Variants in RBKS observed in about 807,000 individuals in gnomAD.
RBKS encodes ribokinase.
Under a neutral mutation model 33.9 loss-of-function variants are expected in RBKS, and 33 were observed. The ratio of observed to expected loss-of-function variants is 0.97; its 90% CI spans 0.74 to 1.30. The LOEUF (loss-of-function observed/expected upper bound fraction) is 1.30, where lower values mean the gene tolerates loss of function less well. RBKS is among the 50% of genes most tolerant of loss of function. The probability of loss-of-function intolerance (pLI) is 0.00; values close to 1 mark genes in which losing one functional copy is unlikely to be tolerated. For missense variants in RBKS, 361 were observed against 392.6 expected, an observed-to-expected ratio of 0.92 and a Z score of 0.68; for synonymous variants, 125 against 143.0, an observed-to-expected ratio of 0.87 and a Z score of 0.90.
intron 7 of RBKS, among the ~76,000 whole-genome samples, chr2:27,814,355 G>A (rs921184841): frequency 8.5e-5 from 13 of 152,246 alleles, no homozygotes; most frequent in East Asian, 5.8e-4. Flanking sequence ...ATAAAGCTAG[G>A]TGGTGAGTCA....
rs114047820 is a variant in RBKS, at chr2:27,888,884, G to A, written c.89+1373C>T. On this transcript the variant is annotated intron_variant, in intron 1 of 7. Transcript: ENST00000302188. ...GAAAAGTTTACTTACTCTTGCTCTA[G>A]AAAAAGATGTACAGGCCTCTTCAAC... Among the ~76,000 whole-genome samples, 1,162 of 152,220 alleles carry A rather than the reference G, an allele frequency of 7.6e-3. 11 individuals are homozygous for A. Among genetic ancestry groups the A allele is most frequent in the African/African-American group, 0.027 (1,113 of 41,530 alleles).
intron 7 of RBKS, among the ~76,000 whole-genome samples, chr2:27,816,348 C>G (rs1226795590): frequency 6.6e-6 from 1 of 152,232 alleles, no homozygotes; most frequent in Non-Finnish European, 1.5e-5. Context: ...CTATCCATCT[C>G]TTCTGCAATT....
intron 7 of RBKS, among the ~76,000 whole-genome samples, chr2:27,792,457 C>T (rs1369275556): frequency 6.6e-6 from 1 of 152,206 alleles, no homozygotes; most frequent in Admixed American, 6.5e-5. Context: ...AGCTAAGCAA[C>T]TGTTAGTTCT....
chr2:27,807,736 C>T (rs534313718), intron 7 of RBKS, among the ~76,000 whole-genome samples: 1 of 152,004 alleles, frequency 6.6e-6, no homozygotes, highest in Non-Finnish European at 1.5e-5. Context: ...CTCTTCATAC[C>T]CTGAGTTTTT....
chr2:27,842,086 A>G (rs1261209410), intron 5 of RBKS, among the ~76,000 whole-genome samples: 2 of 152,212 alleles, frequency 1.3e-5, no homozygotes, highest in African/African-American at 4.8e-5. Flanking sequence ...TTTTACTGAA[A>G]AGGCTCAGAC....
chr2:27,886,363 G>C (rs1257785401), intron 1 of RBKS, among the ~76,000 whole-genome samples: 1 of 152,174 alleles, frequency 6.6e-6, no homozygotes, highest in African/African-American at 2.4e-5. Flanking sequence ...CTAAAGAATA[G>C]GCATGCGTGT....
intron 5 of RBKS, among the ~76,000 whole-genome samples, chr2:27,842,569 G>A (rs1663531257): frequency 6.6e-6 from 1 of 152,116 alleles, no homozygotes; most frequent in Non-Finnish European, 1.5e-5. Flanking sequence ...GTATTTGTAT[G>A]TATGACATGC....
chr2:27,807,622 T>C (rs1216352641), intron 7 of RBKS, among the ~76,000 whole-genome samples: 2 of 152,282 alleles, frequency 1.3e-5, no homozygotes, highest in East Asian at 3.9e-4. Context: ...TCCTCTTGTC[T>C]TGGCCTCACA....
chr2:27,861,350 A>G, intron 1 of RBKS: 1 of 409,536 alleles, frequency 2.4e-6, no homozygotes, highest in Non-Finnish European at 5.1e-6. Flanking sequence ...TGATTAGGGA[A>G]GCAGGGGGAG....
chr2:27,880,438 GA>G (rs1664395837), intron 1 of RBKS, among the ~76,000 whole-genome samples: 1 of 152,134 alleles, frequency 6.6e-6, no homozygotes, highest in Non-Finnish European at 1.5e-5. Flanking sequence ...CCAGGCAAGA[GA>G]AAGAAATAAA....
At chr2:27,805,325 G>A (rs1045206989) in intron 7 of RBKS, among the ~76,000 whole-genome samples, 11 of 152,064 alleles carry the variant, frequency 7.2e-5, no homozygotes, top group African/African-American at 2.7e-4. Flanking sequence ...TTTTCTTTTC[G>A]GTCTCTCTGC....
rs553910420 is a variant in RBKS at position 27,865,135 on chromosome 2, A to G, written c.90-6564T>C. Among the ~76,000 whole-genome samples the G allele has an allele frequency of 2.0e-4, 30 of 152,284 alleles. No individual in the cohort carries two copies. In the South Asian group the frequency reaches 5.4e-3, roughly 27 times the overall value. On this transcript the variant is annotated intron_variant, in intron 1 of 7. Coordinates refer to ENST00000302188, the MANE Select transcript of RBKS (RefSeq NM_022128.3). ...GGAGATCAAGACCATCCTGGCTAACACGGTGAAACCTCATCTCTACTAAAA... is the reference window on the plus strand; with the variant it reads ...GGAGATCAAGACCATCCTGGCTAACGCGGTGAAACCTCATCTCTACTAAAA...
intron 1 of RBKS, among the ~76,000 whole-genome samples, chr2:27,885,837 T>C (rs542060916): frequency 1.3e-5 from 2 of 152,338 alleles, no homozygotes; most frequent in East Asian, 1.9e-4. Context: ...GCCTGGCACA[T>C]AGTATAAATT....
At chr2:27,879,221 G>T (rs975686201) in intron 1 of RBKS, among the ~76,000 whole-genome samples, 1 of 152,068 alleles carries the variant, frequency 6.6e-6, no homozygotes, top group South Asian at 2.1e-4. Flanking sequence ...TAACCTGCAG[G>T]CACTTACCAT....
At chr2:27,801,961 A>ATATATATATAT (rs1386207212) in intron 7 of RBKS, among the ~76,000 whole-genome samples, 10 of 63,860 alleles carry the variant, frequency 1.6e-4, no homozygotes, top group African/African-American at 4.4e-4. Flanking sequence ...AAAAAAAAAA[A>ATATATATATAT]AAATATATAT....
intron 7 of RBKS, among the ~76,000 whole-genome samples, chr2:27,794,529 C>A (rs1345699498): frequency 2.0e-5 from 3 of 151,722 alleles, no homozygotes; most frequent in African/African-American, 7.3e-5. Flanking sequence ...GGAATACCCA[C>A]CTCATTGAGG....
At chr2:27,862,585 TC>T (rs891909516) in intron 1 of RBKS, among the ~76,000 whole-genome samples, 1 of 152,160 alleles carries the variant, frequency 6.6e-6, no homozygotes, top group African/African-American at 2.4e-5. Context: ...TTCTGTCTCT[TC>T]AGACTGTCCT....
intron 5 of RBKS, among the ~76,000 whole-genome samples, chr2:27,833,124 A>T (rs891344246): frequency 1.3e-5 from 2 of 152,218 alleles, no homozygotes; most frequent in African/African-American, 4.8e-5. Context: ...GAATGTGAAC[A>T]GGCTGGTGGA....
intron 1 of RBKS, chr2:27,861,370 G>A: frequency 2.4e-6 from 1 of 420,170 alleles, no homozygotes. Flanking sequence ...GACTGGCAGG[G>A]ATGACTGGGC....
Sources: gnomAD v4.1 joint callset for allele counts (sites outside exome capture counted in the v4.1 genomes callset) on GRCh38, gnomAD v4.1.1 for gene constraint, MANE v1.5 for transcripts, NCBI Gene and HGNC (gene_info 2026-07-23, HGNC 2026-07-21) for gene names.